Variants in TENT4A observed in about 807,000 individuals in gnomAD.
TENT4A encodes terminal nucleotidyltransferase 4A.
TENT4A carries 7 observed loss-of-function variants against 72.8 expected under a neutral mutation model. The ratio of observed to expected loss-of-function variants is 0.10; its 90% confidence interval spans 0.05 to 0.18. TENT4A has a LOEUF of 0.18. TENT4A is among the 10% of genes least tolerant of loss of function. TENT4A has a pLI of 1.00. For synonymous variants in TENT4A, 456 were observed against 434.3 expected, an observed-to-expected ratio of 1.05 and a Z score of -0.62; for missense variants, 831 against 1,017.7, an observed-to-expected ratio of 0.82 and a Z score of 2.50.
chr5:6,733,798 G>A (rs1032799016), intron 1 of TENT4A, among the ~76,000 whole-genome samples: 5 of 152,320 alleles, frequency 3.3e-5, no homozygotes, highest in Middle Eastern at 3.4e-3. Flanking sequence ...CGCTGGCGGC[G>A]TGGCCTGTGG....
intron 3 of TENT4A, among the ~76,000 whole-genome samples, chr5:6,739,356 G>T (rs1280256764): frequency 6.6e-6 from 1 of 152,198 alleles, no homozygotes; most frequent in Non-Finnish European, 1.5e-5. Flanking sequence ...GGGTATCCAG[G>T]AATCTCTGGG....
chr5:6,742,390 G>GA (rs28381376), intron 4 of TENT4A, 100 bp from the exon 5 acceptor site: 16,699 of 749,010 alleles, frequency 0.022, 257 homozygotes, highest in Non-Finnish European at 0.028. Context: ...TCATTACTAA[G>GA]AAAAAACACC....
intron 10 of TENT4A, 61 bp downstream of exon 10, chr5:6,750,564 A>G (rs1396783700): frequency 7.0e-6 from 10 of 1,423,054 alleles, no homozygotes; most frequent in African/African-American, 2.9e-5. Context: ...GTAAATGTCC[A>G]TAGCCGCGAG....
intron 1 of TENT4A, among the ~76,000 whole-genome samples, chr5:6,723,674 A>G (rs964438511): frequency 6.6e-6 from 1 of 152,188 alleles, no homozygotes; most frequent in Admixed American, 6.5e-5. Context: ...TGGTTCAAAT[A>G]TGTTGGTGCA....
At chr5:6,734,508 A>C (rs1034591621) in intron 1 of TENT4A, among the ~76,000 whole-genome samples, 24 of 152,236 alleles carry the variant, frequency 1.6e-4, no homozygotes, top group African/African-American at 5.8e-4. Flanking sequence ...CCAGTGGGGC[A>C]CTTCGCCAGA....
intron 1 of TENT4A, among the ~76,000 whole-genome samples, chr5:6,726,220 A>T (rs975871950): frequency 3.9e-5 from 6 of 152,110 alleles, no homozygotes; most frequent in African/African-American, 9.7e-5. Context: ...ATGTAGGGGG[A>T]GCTGCGTCCC....
intron 1 of TENT4A, among the ~76,000 whole-genome samples, chr5:6,724,661 A>C (rs141394839): frequency 6.6e-6 from 1 of 152,294 alleles, no homozygotes; most frequent in East Asian, 1.9e-4. Flanking sequence ...TTGAGTAAAA[A>C]GCGCGTTTTA....
At chr5:6,739,358 A>G (rs1741680240) in intron 3 of TENT4A, among the ~76,000 whole-genome samples, 1 of 152,164 alleles carries the variant, frequency 6.6e-6, no homozygotes, top group Non-Finnish European at 1.5e-5. Context: ...GTATCCAGGA[A>G]TCTCTGGGTC....
At chr5:6,749,736 TA>T (rs1280871926) in intron 9 of TENT4A, 79 bp downstream of exon 9, 7 of 924,022 alleles carry the variant, frequency 7.6e-6, no homozygotes, top group African/African-American at 4.9e-5. Context: ...TCCTTTGTGG[TA>T]AATTGGTCAA....
At chr5:6,723,696 T>C (rs1190553077) in intron 1 of TENT4A, among the ~76,000 whole-genome samples, 1 of 152,202 alleles carries the variant, frequency 6.6e-6, no homozygotes, top group East Asian at 1.9e-4. Context: ...GGCCTTTTGC[T>C]TTGTTTTCCT....
intron 3 of TENT4A, among the ~76,000 whole-genome samples, chr5:6,739,209 A>C (rs1020739423): frequency 3.9e-5 from 6 of 152,236 alleles, no homozygotes; most frequent in Non-Finnish European, 8.8e-5. Flanking sequence ...TAGCCAAATA[A>C]ATTTCCTGTG....
rs1742356519 is a variant in TENT4A, at chr5:6,750,714, T to C, written c.1860+211T>C. The C allele has an allele frequency of 5.4e-6, 3 of 560,084 alleles. No individual in the cohort carries two copies. In the South Asian group the frequency reaches 7.9e-5, roughly 15 times the overall value. 34.7% of individuals were successfully genotyped at this position (560,084 alleles called of 1,614,324 possible). On this transcript the variant is annotated intron_variant, in intron 10 of 12. Transcript: ENST00000230859. Reference sequence around the variant, plus strand: ...CTTCAGAACCTGTCTGTGCGACTCATGCGGCTGTCGAGGGCAGTAATCCTC... The same window carrying C: ...CTTCAGAACCTGTCTGTGCGACTCACGCGGCTGTCGAGGGCAGTAATCCTC...
Position 6,714,679 on chromosome 5 carries a change from G to T in TENT4A, c.696G>T (p.Ala232=). The T allele has an allele frequency of 4.2e-6, 5 of 1,195,298 alleles. No homozygotes were observed. The highest frequency in any genetic ancestry group is 5.2e-6 in the Non-Finnish European group (5 of 964,252). 74.0% of individuals were successfully genotyped at this position (1,195,298 alleles called of 1,614,324 possible). ...PRPGTPWKSR[A]YSPGIQGLHE... is the part of the protein sequence containing the mutation. The stretch of plus-strand genomic sequence containing the variant: ...CCGGCACCCCGTGGAAGAGCCGCGC[G>T]TACAGCCCGGGCATCCAGGGGTGAG... Residue 232 remains alanine, a synonymous_variant, in exon 1 of 13, where the codon GCG becomes GCT. Coordinates refer to ENST00000230859, the MANE Select transcript of TENT4A (RefSeq NM_006999.6).
At chr5:6,719,049 AGC>A (rs1343251282) in intron 1 of TENT4A, among the ~76,000 whole-genome samples, 2 of 151,926 alleles carry the variant, frequency 1.3e-5, no homozygotes, top group Non-Finnish European at 2.9e-5. Flanking sequence ...TGCTGCTGTG[AGC>A]GTGTGATGGA....
chr5:6,744,704 C>G (rs933473077), intron 6 of TENT4A, among the ~76,000 whole-genome samples: 1 of 152,212 alleles, frequency 6.6e-6, no homozygotes, highest in Non-Finnish European at 1.5e-5. Context: ...AAATGGAATT[C>G]CATGTCTGTT....
chr5:6,743,815 T>A lies in TENT4A; in HGVS notation c.1220T>A (p.Ile407Asn). 6.2e-7 allele frequency: 1 copy of A among 1,614,072 alleles called. No individual in the cohort carries two copies. The highest frequency in any genetic ancestry group is 2.2e-5 in the East Asian group (1 of 44,880). ...FTGGISSYSL[I>N]LMAISFLQLH... Reference sequence around the variant, plus strand: ...GGTGGAATTAGCTCATACAGCCTAATTTTAATGGCCATTAGCTTTCTACAG... The same window carrying A: ...GGTGGAATTAGCTCATACAGCCTAAATTTAATGGCCATTAGCTTTCTACAG... The change falls in exon 6 of 13, where the codon ATT becomes AAT. Residue 407 changes from isoleucine to asparagine, a missense_variant. Physicochemically the swap from Ile to Asn is moderately radical, Grantham distance 149. Transcript: ENST00000230859.
chr5:6,751,376 G>A lies in TENT4A; in HGVS notation c.2019+179G>A, dbSNP rs1742394339. The A allele has an allele frequency of 5.4e-5, 35 of 642,436 alleles. No homozygotes were observed. The Middle Eastern group carries it at 1.3e-3, about 24-fold the overall frequency. 39.8% of individuals were successfully genotyped at this position (642,436 alleles called of 1,614,324 possible). A position where few individuals can be genotyped will look rare whatever the true frequency, so the allele number is the denominator to read the frequency against. On this transcript the variant is annotated intron_variant, in intron 11 of 12. Transcript: ENST00000230859. ...TTTTTGTGGTGTTGAGGTCCCCCAT[G>A]TATAGTTTCAGCAGCGAGGACACTG...
chr5:6,724,060 C>T (rs1325662315), intron 1 of TENT4A, among the ~76,000 whole-genome samples: 1 of 152,238 alleles, frequency 6.6e-6, no homozygotes, highest in Non-Finnish European at 1.5e-5. Context: ...GACCTGCAGT[C>T]TCGCAATCCT....
At chr5:6,729,094 C>T (rs995122929) in intron 1 of TENT4A, among the ~76,000 whole-genome samples, 1 of 152,196 alleles carries the variant, frequency 6.6e-6, no homozygotes, top group African/African-American at 2.4e-5. Flanking sequence ...CATCTTTTCA[C>T]TCTTTAGGAA....
Sources: gnomAD v4.1 joint callset for allele counts (sites outside exome capture counted in the v4.1 genomes callset) on GRCh38, gnomAD v4.1.1 for gene constraint, MANE v1.5 for transcripts, NCBI Gene and HGNC (gene_info 2026-07-23, HGNC 2026-07-21) for gene names.